Variants in SNAP91 observed in about 807,000 individuals in gnomAD.
SNAP91 encodes synaptosome associated protein 91.
In SNAP91, 27 loss-of-function variants were observed where a neutral mutation model predicts 100.3. The observed-to-expected ratio is 0.27, with a 90% confidence interval of 0.20 to 0.37. The LOEUF is 0.37. SNAP91 is among the 10% of genes least tolerant of loss of function. The probability of loss-of-function intolerance (pLI) is 1.00; values close to 1 mark genes in which losing one functional copy is unlikely to be tolerated. For missense variants in SNAP91, 986 were observed against 1,123.7 expected (o/e 0.88, Z 1.75); for synonymous variants, 404 against 398.6 (o/e 1.01, Z -0.16).
chr6:83,705,990 C>A lies in SNAP91; in HGVS notation c.130+1808G>T, dbSNP rs111753218. 7.5e-3 allele frequency among the ~76,000 whole-genome samples: 1,141 copies of A among 152,264 alleles called. 23 individuals are homozygous for A. Among genetic ancestry groups the A allele is most frequent in the African/African-American group, 0.026 (1,097 of 41,536 alleles). On this transcript the variant is annotated intron_variant, in intron 2 of 29. Transcript: ENST00000369694. ...CTATTTCAGCTGCTTTCTTTTATAA[C>A]ATGGAATCTTCCCCCTATTTTCCAC...
intron 11 of SNAP91, among the ~76,000 whole-genome samples, chr6:83,612,441 G>T (rs1417312418): frequency 2.0e-5 from 3 of 152,134 alleles, no homozygotes; most frequent in Admixed American, 6.5e-5. Context: ...ATAGTAGCAT[G>T]AATTCTACAA....
intron 22 of SNAP91, among the ~76,000 whole-genome samples, chr6:83,588,068 TC>T (rs55684550): frequency 1 from 152,332 of 152,332 alleles, 76,166 homozygotes; most frequent in Non-Finnish European, 1. Flanking sequence ...CTTCAAGTGA[TC>T]CTGCCCATCT....
chr6:83,637,468 C>T (rs965058750), intron 8 of SNAP91, among the ~76,000 whole-genome samples: 3 of 152,140 alleles, frequency 2.0e-5, no homozygotes, highest in Non-Finnish European at 4.4e-5. Flanking sequence ...TGGAAAAGTG[C>T]CTGTGGCCCA....
rs565690180 is a variant in SNAP91, at chr6:83,701,773, C to T, written c.130+6025G>A. 7.2e-5 allele frequency among the ~76,000 whole-genome samples: 11 copies of T among 152,294 alleles called. No homozygotes were observed. In the South Asian group the frequency reaches 2.3e-3, roughly 32 times the overall value. ...AAAATTCTTGAGAAAATGCTAGATCCTCCTTAAAAATGAATAATAAAGAAG... is the reference window on the plus strand; with the variant it reads ...AAAATTCTTGAGAAAATGCTAGATCTTCCTTAAAAATGAATAATAAAGAAG... On this transcript the variant is annotated intron_variant, in intron 2 of 29. Coordinates refer to ENST00000369694, the MANE Select transcript of SNAP91 (RefSeq NM_001242792.2).
At chr6:83,653,867 T>C (rs2098304197) in intron 7 of SNAP91, among the ~76,000 whole-genome samples, 1 of 152,132 alleles carries the variant, frequency 6.6e-6, no homozygotes, top group South Asian at 2.1e-4. Flanking sequence ...ACAAAATAGA[T>C]GTAGTGGGCT....
intron 2 of SNAP91, among the ~76,000 whole-genome samples, chr6:83,694,110 A>G (rs1397496770): frequency 1.3e-5 from 2 of 152,162 alleles, no homozygotes; most frequent in Non-Finnish European, 2.9e-5. Context: ...ACTATAATCT[A>G]ATTTCCTTTT....
At chr6:83,629,535 C>T (rs190150430) in intron 8 of SNAP91, among the ~76,000 whole-genome samples, 133 of 152,076 alleles carry the variant, frequency 8.7e-4, no homozygotes, top group African/African-American at 2.9e-3. Flanking sequence ...TTTCTTTCAG[C>T]GGTGTTTTGT....
chr6:83,554,257 A>G lies in SNAP91; in HGVS notation c.*39T>C. On this transcript the variant is annotated 3_prime_UTR_variant, in exon 30 of 30. Coordinates refer to ENST00000369694, the MANE Select transcript of SNAP91 (RefSeq NM_001242792.2). ...TTATTTGAAGTCTCCAAACTCATTT[A>G]TTTTCCTATTCAGTCACAAATATTG... is the stretch of plus-strand genomic sequence containing the variant. 3.4e-6 allele frequency: 1 copy of G among 292,860 alleles called. No individual in the cohort carries two copies. Among genetic ancestry groups the G allele is most frequent in the Non-Finnish European group, 6.6e-6 (1 of 151,052 alleles). The allele number at this position is 292,860 out of a possible 1,614,324, so 18.1% of individuals were successfully genotyped here. A position where few individuals can be genotyped will look rare whatever the true frequency, so the allele number is the denominator to read the frequency against.
chr6:83,695,499 T>C (rs1351843368), intron 2 of SNAP91, among the ~76,000 whole-genome samples: 2 of 152,146 alleles, frequency 1.3e-5, no homozygotes, highest in African/African-American at 4.8e-5. Flanking sequence ...CATTCTCCTA[T>C]ATACATTGAT....
intron 9 of SNAP91, among the ~76,000 whole-genome samples, chr6:83,619,568 C>A (rs1367872850): frequency 6.6e-6 from 1 of 152,150 alleles, no homozygotes; most frequent in Non-Finnish European, 1.5e-5. Context: ...GAACACCAAT[C>A]CAAAGAACAA....
At chr6:83,656,426 C>A (rs140746262) in intron 7 of SNAP91, among the ~76,000 whole-genome samples, 7 of 152,138 alleles carry the variant, frequency 4.6e-5, no homozygotes, top group African/African-American at 7.2e-5. Context: ...TTGGCCAACA[C>A]CCTGGATCAA....
At chr6:83,644,910 T>G (rs2097855957) in intron 7 of SNAP91, among the ~76,000 whole-genome samples, 2 of 152,160 alleles carry the variant, frequency 1.3e-5, no homozygotes, top group Admixed American at 1.3e-4. Flanking sequence ...GCCTCAAAAT[T>G]TATCAAATTA....
rs145017609 is a variant in SNAP91 at position 83,554,099 on chromosome 6, G to T, written c.*197C>A. 1.8e-3 allele frequency: 294 copies of T among 159,582 alleles called. 2 individuals are homozygous for T. The highest frequency in any genetic ancestry group is 6.4e-3 in the African/African-American group (265 of 41,648). 9.9% of individuals were successfully genotyped at this position (159,582 alleles called of 1,614,324 possible). On this transcript the variant is annotated 3_prime_UTR_variant, in exon 30 of 30. Transcript: ENST00000369694. ...ATCCAAATACACTACAATTTCAAGAGTAGGGATAACAGCTAAGGTAGTACA... is the reference window on the plus strand; with the variant it reads ...ATCCAAATACACTACAATTTCAAGATTAGGGATAACAGCTAAGGTAGTACA...
At chr6:83,555,772 A>G (rs544897896) in intron 29 of SNAP91, among the ~76,000 whole-genome samples, 133 of 152,222 alleles carry the variant, frequency 8.7e-4, no homozygotes, top group Non-Finnish European at 1.2e-3. Flanking sequence ...GCAGTCAAAT[A>G]TATTCTTAGA....
intron 7 of SNAP91, among the ~76,000 whole-genome samples, chr6:83,649,216 T>G (rs2098090009): frequency 6.6e-6 from 1 of 152,216 alleles, no homozygotes. Context: ...CTTAGCTGGA[T>G]GATTCTGGCT....
At chr6:83,695,987 A>T (rs1489353681) in intron 2 of SNAP91, among the ~76,000 whole-genome samples, 1 of 152,092 alleles carries the variant, frequency 6.6e-6, no homozygotes. Context: ...GCATATGTTA[A>T]ACAGTTGGTC....
intron 2 of SNAP91, among the ~76,000 whole-genome samples, chr6:83,666,046 G>A (rs940120989): frequency 1.6e-4 from 25 of 152,054 alleles, no homozygotes; most frequent in Non-Finnish European, 2.2e-4. Flanking sequence ...TTTGAAAGGT[G>A]CTAGTAAATA....
chr6:83,626,033 T>C (rs948300862), intron 8 of SNAP91, among the ~76,000 whole-genome samples: 1 of 152,040 alleles, frequency 6.6e-6, no homozygotes, highest in African/African-American at 2.4e-5. Flanking sequence ...AATTTTTATA[T>C]GTGGTGTTAG....
At chr6:83,554,894 C>G (rs1775447738) in intron 29 of SNAP91, among the ~76,000 whole-genome samples, 1 of 152,134 alleles carries the variant, frequency 6.6e-6, no homozygotes, top group Admixed American at 6.6e-5. Flanking sequence ...AATAGTAATT[C>G]TCTCTGTGTC....
Sources: gnomAD v4.1 joint callset for allele counts (sites outside exome capture counted in the v4.1 genomes callset) on GRCh38, gnomAD v4.1.1 for gene constraint, MANE v1.5 for transcripts, NCBI Gene and HGNC (gene_info 2026-07-23, HGNC 2026-07-21) for gene names.